The following ABCA9 variants were observed in gnomAD, a reference collection of about 807,000 sequenced individuals.
The protein encoded by ABCA9 is ATP binding cassette subfamily A member 9.
ABCA9 carries 183 observed loss-of-function variants against 205.3 expected under a neutral mutation model. That is an observed-to-expected ratio of 0.89 (90% CI 0.79 to 1.01). The LOEUF (loss-of-function observed/expected upper bound fraction) is 1.01. ABCA9 is among the 50% of genes least tolerant of loss of function. The probability of loss-of-function intolerance (pLI) is 0.00; values close to 1 mark genes in which losing one functional copy is unlikely to be tolerated. For synonymous variants in ABCA9, 651 were observed against 683.3 expected (o/e 0.95, Z 0.74); for missense variants, 1,805 against 1,912.4 (o/e 0.94, Z 1.05).
intron 29 of ABCA9, 42 bp downstream of exon 29, chr17:68,990,795 C>T: frequency 6.3e-7 from 1 of 1,593,182 alleles, no homozygotes; most frequent in Non-Finnish European, 8.5e-7. Flanking sequence ...CTTTATCTGT[C>T]AGAAAAAAAA....
At chr17:69,057,295 G>T (rs2072097069) in intron 1 of ABCA9, among the ~76,000 whole-genome samples, 2 of 152,082 alleles carry the variant, frequency 1.3e-5, no homozygotes, top group South Asian at 4.2e-4. Context: ...ATCAATATAG[G>T]GATAATCATT....
upstream of ABCA9, among the ~76,000 whole-genome samples, chr17:69,062,931 A>G (rs955918203): frequency 6.6e-6 from 1 of 152,168 alleles, no homozygotes; most frequent in Non-Finnish European, 1.5e-5. Flanking sequence ...TTTGGCAACT[A>G]CATATAGCAT....
At chr17:68,976,279 C>CTT in intron 37 of ABCA9, 89 bp from the exon 38 acceptor site, 2 of 1,074,894 alleles carry the variant, frequency 1.9e-6, no homozygotes, top group South Asian at 2.7e-5. Context: ...ACAAGTAGAT[C>CTT]TTAAACATAA....
At chr17:69,061,198 C>G, upstream of ABCA9, 1 of 973,654 alleles carries the variant, frequency 1.0e-6, no homozygotes, top group Non-Finnish European at 1.2e-6. Context: ...GAGAATCTAG[C>G]CTTTCTCAAT....
Position 69,008,148 on chromosome 17 carries a change from AGT to A in ABCA9, c.3233_3234del (p.Tyr1078PhefsTer15). On this transcript the variant is annotated frameshift_variant, in exon 24 of 39. Transcript: ENST00000340001. LOFTEE classifies it high-confidence loss of function. Reference protein sequence around the residue: ...FGQALVDVSLYFLILLLMQIM... With the variant: ...FGQALVDVSLXFLILLLMQIM... ...ATTTGCATTAGCAGGAGGATCAAAA[AGT>A]ACAGGGAAACATCCACCAGTGCTTG... 6.2e-7 allele frequency: 1 copy of A among 1,613,596 alleles called. No homozygotes were observed. The highest frequency in any genetic ancestry group is 8.5e-7 in the Non-Finnish European group (1 of 1,179,472).
chr17:69,075,499 G>A, the ABCA9 span, among the ~76,000 whole-genome samples: 3 of 152,058 alleles, frequency 2.0e-5, no homozygotes, highest in South Asian at 6.2e-4. Context: ...ATTAAATACG[G>A]AGTCCTTTCC....
chr17:69,047,030 C>T (rs1223084630), intron 3 of ABCA9, among the ~76,000 whole-genome samples: 2 of 150,570 alleles, frequency 1.3e-5, no homozygotes, highest in East Asian at 3.9e-4. Flanking sequence ...GGCACGATCT[C>T]GGCTCACTGC....
chr17:69,062,244 T>G (rs2072275047), upstream of ABCA9, among the ~76,000 whole-genome samples: 1 of 152,140 alleles, frequency 6.6e-6, no homozygotes, highest in Non-Finnish European at 1.5e-5. Flanking sequence ...TTCAATACAT[T>G]TAATAACATC....
Position 68,984,096 on chromosome 17 carries a change from C to A in ABCA9, c.4459G>T (p.Val1487Leu). 3 of 1,614,194 alleles carry A rather than the reference C, an allele frequency of 1.9e-6. No individual in the cohort carries two copies. The highest frequency in any genetic ancestry group is 2.5e-6 in the Non-Finnish European group (3 of 1,180,034). ...ACCATGATGGCCACTCGGTCACACA[C>A]CGCCTCAGCCTCTGCCATGTAGTGG... ...TTHYMAEAEA[V>L]CDRVAIMVSG... The change falls in exon 35 of 39, where the codon GTG becomes TTG. Residue 1487 changes from valine (V) to leucine (L), a missense_variant. Transcript: ENST00000340001.
intron 1 of ABCA9, 97 bp from the exon 2 acceptor site, chr17:69,051,236 C>G (rs1437916934): frequency 7.2e-5 from 75 of 1,044,124 alleles, no homozygotes; most frequent in Non-Finnish European, 9.8e-5. Flanking sequence ...ACAGCTGTTT[C>G]CAGTTGCATT....
chr17:69,060,112 G>C (rs1326187372), intron 1 of ABCA9, among the ~76,000 whole-genome samples: 1 of 152,120 alleles, frequency 6.6e-6, no homozygotes, highest in Non-Finnish European at 1.5e-5. Flanking sequence ...CATGAATGTG[G>C]TTATTTATCT....
chr17:68,989,182 A>G, intron 30 of ABCA9, 64 bp from the exon 31 acceptor site: 1 of 1,015,598 alleles, frequency 9.8e-7, no homozygotes, highest in South Asian at 1.3e-5. Context: ...AGCAAATACC[A>G]TTTGAGGGCT....
At chr17:69,039,396 A>C (rs572851537) in intron 6 of ABCA9, among the ~76,000 whole-genome samples, 25 of 152,252 alleles carry the variant, frequency 1.6e-4, no homozygotes, top group Admixed American at 1.2e-3. Context: ...CTCAGAAATA[A>C]CACTGCACAT....
chr17:68,982,830 T>C (rs1396069745), intron 36 of ABCA9, among the ~76,000 whole-genome samples, 189 bp from the exon 37 acceptor site: 1 of 151,994 alleles, frequency 6.6e-6, no homozygotes, highest in East Asian at 1.9e-4. Context: ...CAGATGGAGA[T>C]CCCATCTCCA....
At chr17:69,002,006 C>CT (rs1322997325) in intron 25 of ABCA9, among the ~76,000 whole-genome samples, 2 of 151,770 alleles carry the variant, frequency 1.3e-5, no homozygotes, top group African/African-American at 2.4e-5. Context: ...ATTCTTCTCT[C>CT]TTTTTTTCTT....
chr17:69,067,662 A>G, the ABCA9 span, among the ~76,000 whole-genome samples: 1 of 152,094 alleles, frequency 6.6e-6, no homozygotes, highest in South Asian at 2.1e-4. Flanking sequence ...AAAGAGAAAG[A>G]AAGAAGGAAA....
At chr17:69,030,001 T>G (rs758251627) in intron 10 of ABCA9, among the ~76,000 whole-genome samples, 4 of 152,182 alleles carry the variant, frequency 2.6e-5, no homozygotes, top group Non-Finnish European at 5.9e-5. Context: ...ACTTTACCTA[T>G]GTAATGAACC....
chr17:69,025,707 G>A (rs1292539039), intron 16 of ABCA9, among the ~76,000 whole-genome samples: 2 of 152,110 alleles, frequency 1.3e-5, no homozygotes, highest in East Asian at 3.9e-4. Context: ...ACATTGCAAT[G>A]CAAAATATAG....
At chr17:68,986,039 G>C (rs762893235) in intron 32 of ABCA9, 125 bp downstream of exon 32, 1 of 927,624 alleles carries the variant, frequency 1.1e-6, no homozygotes. Context: ...CAGAGTTCTA[G>C]ATGACCAAAT....
Sources: allele counts gnomAD v4.1 joint callset (sites outside exome capture counted in the v4.1 genomes callset), GRCh38; gene constraint gnomAD v4.1.1; transcripts MANE v1.5; gene names NCBI Gene and HGNC (gene_info 2026-07-23, HGNC 2026-07-21).